The following CRB1 variants were observed in gnomAD, a reference collection of about 807,000 sequenced individuals.
CRB1 encodes crumbs cell polarity complex component 1, also known as protein crumbs homolog 1.
Under a neutral mutation model 120.0 loss-of-function variants are expected in CRB1, and 83 were observed. The observed-to-expected ratio is 0.69, with a 90% CI of 0.58 to 0.83. The LOEUF (loss-of-function observed/expected upper bound fraction) is 0.83. Among genes scored for constraint, CRB1 ranks in the 40% least tolerant of loss-of-function variants. The pLI, the probability that CRB1 is intolerant of heterozygous loss-of-function variation, is 0.00. For synonymous variants in CRB1, 625 were observed against 612.5 expected, an observed-to-expected ratio of 1.02 and a Z score of -0.30; for missense variants, 1,699 against 1,687.6, an observed-to-expected ratio of 1.01 and a Z score of -0.12.
the CRB1 span, among the ~76,000 whole-genome samples, chr1:197,229,526 A>T: frequency 9.0e-4 from 137 of 152,200 alleles, 1 homozygote; most frequent in Admixed American, 1.8e-3. Flanking sequence ...CGTGACACTG[A>T]GGTTTGGGGT....
intron 7 of CRB1, 149 bp from the exon 8 acceptor site, chr1:197,429,300 C>A: frequency 7.9e-7 from 1 of 1,264,908 alleles, no homozygotes; most frequent in Non-Finnish European, 1.1e-6. Context: ...CATTTTTATT[C>A]TATTTAGTTA....
intron 2 of CRB1, among the ~76,000 whole-genome samples, chr1:197,339,981 T>A (rs1389579468): frequency 6.6e-6 from 1 of 152,206 alleles, no homozygotes; most frequent in Non-Finnish European, 1.5e-5. Context: ...CAACATTTAT[T>A]GAGCACTTTT....
the CRB1 span, among the ~76,000 whole-genome samples, chr1:197,248,209 A>C: frequency 6.6e-6 from 1 of 152,034 alleles, no homozygotes; most frequent in Non-Finnish European, 1.5e-5. Context: ...TGATTGGACA[A>C]AACTGAGCAC....
In CRB1 at chr1:197,337,393, C is replaced by T. The variant is rs12028311; in HGVS notation, c.653-6888C>T. 1.2e-4 allele frequency among the ~76,000 whole-genome samples: 19 copies of T among 152,228 alleles called. 1 individual carries two copies. In the East Asian group the frequency reaches 3.3e-3, roughly 26 times the overall value. On this transcript the variant is annotated intron_variant, in intron 2 of 11. Coordinates refer to ENST00000367400, the MANE Select transcript of CRB1 (RefSeq NM_201253.3). ...GAAAGACAAATTTGGAAGTAGAAGA[C>T]AGGGATTCCAGGCTCAGCCTAGATG...
At chr1:197,438,896 T>C (rs1362933851) in intron 10 of CRB1, 3 of 466,042 alleles carry the variant, frequency 6.4e-6, no homozygotes, top group African/African-American at 5.9e-5. Flanking sequence ...TAGGGAAAAA[T>C]GATTTTTAAA....
At chr1:197,357,550 T>C (rs1016577859) in intron 5 of CRB1, 2 of 177,538 alleles carry the variant, frequency 1.1e-5, no homozygotes, top group Non-Finnish European at 2.4e-5. Flanking sequence ...TGAACAGTTT[T>C]GTATTGTCTG....
intron 11 of CRB1, among the ~76,000 whole-genome samples, chr1:197,476,353 TATG>T (rs778195006): frequency 2.8e-5 from 4 of 145,244 alleles, no homozygotes; most frequent in Non-Finnish European, 6.0e-5. Flanking sequence ...TGTAATGTAT[TATG>T]ATTATTTGTG....
At chr1:197,250,469 G>A in the CRB1 span, among the ~76,000 whole-genome samples, 2 of 151,898 alleles carry the variant, frequency 1.3e-5, no homozygotes, top group East Asian at 3.9e-4. Flanking sequence ...ATTCTTTTAG[G>A]ACTCCCTTCC....
chr1:197,253,227 G>A, the CRB1 span, among the ~76,000 whole-genome samples: 8 of 151,924 alleles, frequency 5.3e-5, no homozygotes, highest in Admixed American at 2.0e-4. Context: ...TGCTGATTCC[G>A]CAGATAAGTA....
chr1:197,233,393 A>AT, the CRB1 span, among the ~76,000 whole-genome samples: 3 of 152,212 alleles, frequency 2.0e-5, no homozygotes, highest in African/African-American at 7.2e-5. Flanking sequence ...TGGGAAATGT[A>AT]TTTAAGTAGA....
chr1:197,459,872 T>G (rs987927687), intron 11 of CRB1, among the ~76,000 whole-genome samples: 10 of 152,122 alleles, frequency 6.6e-5, no homozygotes, highest in African/African-American at 2.4e-4. Context: ...GAGCAGATTT[T>G]TTTGGGAGTT....
At chr1:197,448,298 T>C (rs543483219) in intron 11 of CRB1, among the ~76,000 whole-genome samples, 18 of 152,100 alleles carry the variant, frequency 1.2e-4, no homozygotes, top group African/African-American at 4.3e-4. Flanking sequence ...TCCTGGGGGG[T>C]CTTTGTGTGC....
At chr1:197,349,531 C>A (rs1191373736) in intron 4 of CRB1, among the ~76,000 whole-genome samples, 3 of 152,186 alleles carry the variant, frequency 2.0e-5, no homozygotes, top group African/African-American at 7.2e-5. Flanking sequence ...TCTCTCCCCA[C>A]TAACTTTATT....
At chr1:197,473,893 A>G (rs1667093092) in intron 11 of CRB1, among the ~76,000 whole-genome samples, 1 of 152,072 alleles carries the variant, frequency 6.6e-6, no homozygotes, top group Non-Finnish European at 1.5e-5. Context: ...ATTTAAAAGC[A>G]AAGGGCCCTG....
intron 5 of CRB1, among the ~76,000 whole-genome samples, chr1:197,386,787 T>C (rs1307019934): frequency 1.3e-5 from 2 of 152,170 alleles, no homozygotes; most frequent in Admixed American, 6.6e-5. Flanking sequence ...CTCTTTGAAA[T>C]ATTTTCAGGG....
At chr1:197,202,407 T>A in the CRB1 span, among the ~76,000 whole-genome samples, 1 of 151,934 alleles carries the variant, frequency 6.6e-6, no homozygotes, top group Non-Finnish European at 1.5e-5. Context: ...CTAGCCACAC[T>A]GAAAAGAGAG....
At chr1:197,327,067 T>C (rs1658534647) in intron 1 of CRB1, among the ~76,000 whole-genome samples, 1 of 139,502 alleles carries the variant, frequency 7.2e-6, no homozygotes, top group Admixed American at 7.7e-5. Context: ...AGCATTTAAA[T>C]TTAGTGACTT....
intron 11 of CRB1, among the ~76,000 whole-genome samples, chr1:197,461,890 T>G (rs1666548353): frequency 6.6e-6 from 1 of 152,118 alleles, no homozygotes; most frequent in South Asian, 2.1e-4. Context: ...CTGCAAAACA[T>G]CATGAACTCT....
intron 5 of CRB1, among the ~76,000 whole-genome samples, chr1:197,386,581 AT>A (rs1230193944): frequency 6.6e-6 from 1 of 152,172 alleles, no homozygotes; most frequent in East Asian, 1.9e-4. Flanking sequence ...GCATTAATTC[AT>A]TTTTCCACAT....
Sources: allele counts gnomAD v4.1 joint callset (sites outside exome capture counted in the v4.1 genomes callset), GRCh38; gene constraint gnomAD v4.1.1; transcripts MANE v1.5; gene names NCBI Gene and HGNC (gene_info 2026-07-23, HGNC 2026-07-21).